The following SSBP3 variants were observed in gnomAD, a reference collection of about 807,000 sequenced individuals.
The protein encoded by SSBP3 is single stranded DNA binding protein 3, also known as single-stranded DNA-binding protein 3.
A neutral mutation model predicts 69.6 loss-of-function variants in SSBP3; 5 were observed. The ratio of observed to expected loss-of-function variants is 0.07; its 90% CI spans 0.04 to 0.15. SSBP3 has a LOEUF of 0.15. Among genes scored for constraint, SSBP3 ranks in the 10% least tolerant of loss-of-function variants. The pLI is 1.00. For missense variants in SSBP3, 312 were observed against 534.0 expected (o/e 0.58, Z 4.10); for synonymous variants, 196 against 193.4 (o/e 1.01, Z -0.11).
intron 4 of SSBP3, among the ~76,000 whole-genome samples, chr1:54,338,374 A>G (rs1041786367): frequency 6.6e-6 from 1 of 152,250 alleles, no homozygotes; most frequent in Admixed American, 6.5e-5. Flanking sequence ...AATACCTGGG[A>G]AAAGATCTAG....
At chr1:54,243,407 G>A in intron 9 of SSBP3, 108 bp from the exon 10 acceptor site, 1 of 1,337,076 alleles carries the variant, frequency 7.5e-7, no homozygotes, top group South Asian at 1.2e-5. Flanking sequence ...TCTGTGAAAA[G>A]GATTGATGAG....
chr1:54,408,085 G>C (rs1038382944), upstream of SSBP3, among the ~76,000 whole-genome samples: 1 of 152,118 alleles, frequency 6.6e-6, no homozygotes, highest in African/African-American at 2.4e-5. Flanking sequence ...CTAAATTAGA[G>C]TACAGCCAGG....
At chr1:54,327,861 C>A (rs180864784) in intron 4 of SSBP3, among the ~76,000 whole-genome samples, 29 of 152,316 alleles carry the variant, frequency 1.9e-4, no homozygotes, top group African/African-American at 7.0e-4. Flanking sequence ...ATCCCAGGCA[C>A]GCTCTAGCTG....
intron 4 of SSBP3, among the ~76,000 whole-genome samples, chr1:54,330,468 C>A (rs1646388805): frequency 6.6e-6 from 1 of 152,168 alleles, no homozygotes; most frequent in Non-Finnish European, 1.5e-5. Flanking sequence ...TTCTTTCTGG[C>A]ATTGAGTGTA....
chr1:54,384,424 C>T (rs1647928590), intron 4 of SSBP3, among the ~76,000 whole-genome samples: 1 of 152,270 alleles, frequency 6.6e-6, no homozygotes, highest in African/African-American at 2.4e-5. Flanking sequence ...GCCTCCTGAT[C>T]CTCCCTGATC....
At chr1:54,246,631 G>A (rs1325598814) in intron 9 of SSBP3, among the ~76,000 whole-genome samples, 2 of 152,198 alleles carry the variant, frequency 1.3e-5, no homozygotes, top group African/African-American at 2.4e-5. Context: ...GCCTTCAGGA[G>A]CCTCTCCAAG....
intron 4 of SSBP3, among the ~76,000 whole-genome samples, chr1:54,381,711 G>A (rs1010081082): frequency 2.6e-5 from 4 of 152,230 alleles, no homozygotes; most frequent in Admixed American, 1.3e-4. Flanking sequence ...AGAGGAGGAA[G>A]CAAAACTCAG....
intron 4 of SSBP3, among the ~76,000 whole-genome samples, chr1:54,303,671 T>C (rs1029580398): frequency 1.3e-5 from 2 of 152,158 alleles, no homozygotes; most frequent in African/African-American, 4.8e-5. Context: ...CGGTCCTGCA[T>C]GGAAGCCCTA....
chr1:54,238,319 C>T, intron 14 of SSBP3: 3 of 471,132 alleles, frequency 6.4e-6, no homozygotes, highest in South Asian at 4.6e-5. Context: ...TTTAGGGCCC[C>T]AGGCCCACTC....
At chr1:54,363,766 T>C (rs1646986141) in intron 4 of SSBP3, among the ~76,000 whole-genome samples, 1 of 152,236 alleles carries the variant, frequency 6.6e-6, no homozygotes, top group Non-Finnish European at 1.5e-5. Flanking sequence ...AAGAAATGTA[T>C]AGGGAAAGGT....
At chr1:54,276,339 G>A (rs1162528870) in intron 5 of SSBP3, among the ~76,000 whole-genome samples, 5 of 151,932 alleles carry the variant, frequency 3.3e-5, no homozygotes, top group South Asian at 2.1e-4. Context: ...CTGGCCGGGC[G>A]TGGTGGCTCA....
At chr1:54,280,187 C>CCCAG (rs1177230059) in intron 5 of SSBP3, among the ~76,000 whole-genome samples, 2 of 152,238 alleles carry the variant, frequency 1.3e-5, no homozygotes, top group East Asian at 3.8e-4. Flanking sequence ...AGCAGCATGT[C>CCCAG]CCAGCCCTCT....
intron 4 of SSBP3, among the ~76,000 whole-genome samples, chr1:54,360,804 G>A (rs974564081): frequency 4.6e-5 from 7 of 152,016 alleles, no homozygotes; most frequent in Admixed American, 4.6e-4. Context: ...ATGTGGCCAG[G>A]CACAGTGGCT....
At chr1:54,257,981 C>T (rs1644952113) in intron 6 of SSBP3, 88 bp downstream of exon 6, 4 of 1,300,428 alleles carry the variant, frequency 3.1e-6, no homozygotes, top group Admixed American at 2.5e-5. Flanking sequence ...GGCTAGAGCA[C>T]ATTTTGATTT....
chr1:54,299,339 G>A (rs968651745), intron 4 of SSBP3, among the ~76,000 whole-genome samples: 6 of 152,122 alleles, frequency 3.9e-5, no homozygotes, highest in South Asian at 2.1e-4. Flanking sequence ...CGGCAGTCAC[G>A]GGGGCGTGCT....
chr1:54,390,838 C>T (rs939609981), intron 4 of SSBP3, among the ~76,000 whole-genome samples: 2 of 152,180 alleles, frequency 1.3e-5, no homozygotes, highest in African/African-American at 4.8e-5. Context: ...AGGCGGGCAG[C>T]GCTGCCAAGA....
At chr1:54,343,200 T>C (rs1467128541) in intron 4 of SSBP3, among the ~76,000 whole-genome samples, 1 of 152,312 alleles carries the variant, frequency 6.6e-6, no homozygotes, top group African/African-American at 2.4e-5. Context: ...CTACCATTTA[T>C]GTATTGAACA....
chr1:54,404,834 G>GA (rs994168762), intron 2 of SSBP3, 24 bp downstream of exon 2: 14 of 1,491,922 alleles, frequency 9.4e-6, no homozygotes, highest in Non-Finnish European at 1.3e-5. Context: ...CAAGAAATTG[G>GA]ATGCTGGGGG....
chr1:54,289,650 C>G, intron 4 of SSBP3, among the ~76,000 whole-genome samples: 1 of 152,230 alleles, frequency 6.6e-6, no homozygotes, highest in Admixed American at 6.5e-5. Flanking sequence ...GGTACTTGAG[C>G]TGGGGCCTTA....
Sources: gnomAD v4.1 joint callset for allele counts (sites outside exome capture counted in the v4.1 genomes callset) on GRCh38, gnomAD v4.1.1 for gene constraint, MANE v1.5 for transcripts, NCBI Gene and HGNC (gene_info 2026-07-23, HGNC 2026-07-21) for gene names.